Variants in ANKS1B observed in about 807,000 individuals in gnomAD.
ANKS1B encodes the protein ankyrin repeat and sterile alpha motif domain containing 1B, also known as ankyrin repeat and sterile alpha motif domain-containing protein 1B.
In ANKS1B, 36 loss-of-function variants were observed where a neutral mutation model predicts 148.3. The observed-to-expected ratio is 0.24, with a 90% CI of 0.19 to 0.32. ANKS1B has a LOEUF of 0.32. Among genes scored for constraint, ANKS1B ranks in the 10% least tolerant of loss-of-function variants. The pLI, the probability that ANKS1B is intolerant of heterozygous loss-of-function variation, is 1.00. For missense variants in ANKS1B, 1,157 were observed against 1,542.6 expected, an observed-to-expected ratio of 0.75 and a Z score of 4.19; for synonymous variants, 542 against 560.8, an observed-to-expected ratio of 0.97 and a Z score of 0.47.
intron 19 of ANKS1B, among the ~76,000 whole-genome samples, chr12:98,824,399 ACT>A (rs1408124532): frequency 1.3e-5 from 2 of 152,104 alleles, no homozygotes; most frequent in Non-Finnish European, 2.9e-5. Flanking sequence ...TTGCCCTTCA[ACT>A]CTCTTTGTCA....
intron 8 of ANKS1B, among the ~76,000 whole-genome samples, chr12:99,702,493 T>C (rs1280577289): frequency 6.6e-6 from 1 of 152,136 alleles, no homozygotes; most frequent in Non-Finnish European, 1.5e-5. Flanking sequence ...CTGTGGGTCA[T>C]CTATTTACTT....
chr12:99,260,138 T>G (rs537749730), intron 12 of ANKS1B, among the ~76,000 whole-genome samples: 3 of 152,296 alleles, frequency 2.0e-5, no homozygotes, highest in Admixed American at 6.5e-5. Flanking sequence ...TTAACTTATT[T>G]TAATAACTTC....
chr12:99,159,981 G>A (rs1317539618), intron 14 of ANKS1B, among the ~76,000 whole-genome samples: 3 of 152,180 alleles, frequency 2.0e-5, no homozygotes, highest in Admixed American at 6.5e-5. Flanking sequence ...GATCAGTGAC[G>A]TTAAGCATTG....
At position 98,867,573 on chromosome 12, in the gene ANKS1B, T is replaced by C. The variant is rs193240737; in HGVS notation, c.2779-35437A>G. Among the ~76,000 whole-genome samples, 141 of 152,280 alleles carry C rather than the reference T, an allele frequency of 9.3e-4. 1 individual carries two copies. The highest frequency in any genetic ancestry group is 3.3e-3 in the African/African-American group (138 of 41,564). ...CAAATTATGTCTTTTAGAATGTAAG[T>C]CAGTTTGTCGGGCGCAGTGGCTCAC... On this transcript the variant is annotated intron_variant, in intron 17 of 26. Transcript: ENST00000683438.
chr12:99,966,679 C>T (rs935331049), intron 1 of ANKS1B, among the ~76,000 whole-genome samples: 3 of 152,148 alleles, frequency 2.0e-5, no homozygotes, highest in African/African-American at 7.2e-5. Flanking sequence ...GCACCATCAC[C>T]ATACTAAATG....
chr12:98,868,006 C>A (rs1473453595), intron 17 of ANKS1B, among the ~76,000 whole-genome samples: 1 of 152,184 alleles, frequency 6.6e-6, no homozygotes, highest in Non-Finnish European at 1.5e-5. Context: ...TTCATGAAAG[C>A]CTGCCCTCTC....
At chr12:99,081,829 G>C (rs769858825) in intron 16 of ANKS1B, among the ~76,000 whole-genome samples, 21 of 152,090 alleles carry the variant, frequency 1.4e-4, no homozygotes, top group Admixed American at 6.6e-4. Flanking sequence ...GAGGTGCTCT[G>C]ATTAAAAATA....
At chr12:98,946,612 G>A (rs1485782257) in intron 17 of ANKS1B, among the ~76,000 whole-genome samples, 3 of 152,092 alleles carry the variant, frequency 2.0e-5, no homozygotes, top group Non-Finnish European at 4.4e-5. Flanking sequence ...GATGAGAGCA[G>A]CTGACTAATT....
chr12:99,091,525 A>T (rs958738552), intron 15 of ANKS1B, among the ~76,000 whole-genome samples: 1 of 152,202 alleles, frequency 6.6e-6, no homozygotes, highest in South Asian at 2.1e-4. Flanking sequence ...TAGCTATGAG[A>T]GAAGGAGCCT....
At chr12:98,968,609 GA>G (rs760081729) in intron 17 of ANKS1B, among the ~76,000 whole-genome samples, 165 of 152,310 alleles carry the variant, frequency 1.1e-3, no homozygotes, top group Non-Finnish European at 6.5e-4. Flanking sequence ...TTGGAGAGGG[GA>G]AGGTATCTAA....
intron 16 of ANKS1B, among the ~76,000 whole-genome samples, chr12:99,072,682 G>A (rs1304315035): frequency 6.6e-6 from 1 of 152,088 alleles, no homozygotes; most frequent in Non-Finnish European, 1.5e-5. Flanking sequence ...CTGTTAAGCC[G>A]CCTCAGTATG....
chr12:98,844,836 A>G (rs1444267758), intron 17 of ANKS1B, among the ~76,000 whole-genome samples: 1 of 152,178 alleles, frequency 6.6e-6, no homozygotes, highest in Non-Finnish European at 1.5e-5. Context: ...TACTTATCAG[A>G]TTTTTCAATG....
chr12:99,215,616 T>C (rs2084041767), intron 14 of ANKS1B, among the ~76,000 whole-genome samples: 1 of 152,196 alleles, frequency 6.6e-6, no homozygotes, highest in South Asian at 2.1e-4. Flanking sequence ...TCAAAGGAGA[T>C]CATTTTTGAA....
chr12:99,737,813 T>C (rs893833804), intron 8 of ANKS1B, among the ~76,000 whole-genome samples: 5 of 152,064 alleles, frequency 3.3e-5, no homozygotes, highest in African/African-American at 2.4e-5. Context: ...TCTCTTTTAG[T>C]TCTAGCAATT....
At chr12:99,001,599 A>G (rs1484949365) in intron 17 of ANKS1B, among the ~76,000 whole-genome samples, 1 of 152,212 alleles carries the variant, frequency 6.6e-6, no homozygotes, top group African/African-American at 2.4e-5. Flanking sequence ...AATGATTACC[A>G]CAATCCAGTT....
chr12:99,980,355 A>G lies in ANKS1B; in HGVS notation c.134+3749T>C, dbSNP rs186882040. Among the ~76,000 whole-genome samples, 17 of 152,200 alleles carry G rather than the reference A, an allele frequency of 1.1e-4. No individual in the cohort carries two copies. In the East Asian group the frequency reaches 2.5e-3, roughly 22 times the overall value. The stretch of plus-strand genomic sequence containing the variant: ...ATATTCATTACAGAACACTGAAAAT[A>G]AAGCCCAACCACAATTCCACCACTC... On this transcript the variant is annotated intron_variant, in intron 1 of 26. Transcript: ENST00000683438.
chr12:99,473,908 A>G (rs2096278136), intron 10 of ANKS1B, among the ~76,000 whole-genome samples: 1 of 152,142 alleles, frequency 6.6e-6, no homozygotes, highest in Non-Finnish European at 1.5e-5. Context: ...AATCAATCCT[A>G]CCAATCTTCT....
chr12:99,405,600 A>T (rs2094512954), intron 11 of ANKS1B, among the ~76,000 whole-genome samples: 1 of 145,378 alleles, frequency 6.9e-6, no homozygotes, highest in Non-Finnish European at 1.5e-5. Flanking sequence ...TCTTCACTAA[A>T]AGGAAGAGAG....
intron 24 of ANKS1B, among the ~76,000 whole-genome samples, chr12:98,777,065 T>C (rs73149040): frequency 0.023 from 3,577 of 152,222 alleles, 51 homozygotes; most frequent in Middle Eastern, 0.041. Flanking sequence ...TGGTGGTGCA[T>C]ACCTGTAGTC....
Sources: gnomAD v4.1 joint callset for allele counts (sites outside exome capture counted in the v4.1 genomes callset) on GRCh38, gnomAD v4.1.1 for gene constraint, MANE v1.5 for transcripts, NCBI Gene and HGNC (gene_info 2026-07-23, HGNC 2026-07-21) for gene names.